RAD54B: variants seen among roughly 807,000 people sequenced by gnomAD.
RAD54B encodes DNA repair and recombination protein RAD54B.
In RAD54B, 78 loss-of-function variants were observed where a neutral mutation model predicts 95.8. The observed-to-expected ratio is 0.81, with a 90% confidence interval of 0.68 to 0.98. RAD54B has a LOEUF of 0.98. Among genes scored for constraint, RAD54B ranks in the 50% least tolerant of loss-of-function variants. RAD54B has a pLI of 0.00. For missense variants in RAD54B, 957 were observed against 1,056.6 expected (o/e 0.91, Z 1.31); for synonymous variants, 328 against 354.9 (o/e 0.92, Z 0.85).
In RAD54B at chr8:94,458,910, CT is replaced by C. The variant is rs1464038655; in HGVS notation, c.136-475del. Among the ~76,000 whole-genome samples the C allele has an allele frequency of 5.3e-5, 8 of 151,810 alleles. No individual in the cohort carries two copies. In the East Asian group the frequency reaches 1.6e-3, roughly 29 times the overall value. The stretch of plus-strand genomic sequence containing the variant: ...ATTAATTAAAATCTAATTTTTATTG[CT>C]TGTTTTTAGAACTATTTTAAATTAT... On this transcript the variant is annotated intron_variant, in intron 2 of 14. Transcript: ENST00000336148.
intron 3 of RAD54B, chr8:94,432,802 A>G: frequency 9.1e-7 from 1 of 1,094,014 alleles, no homozygotes; most frequent in Non-Finnish European, 1.2e-6. Context: ...TAAACACTTG[A>G]AATACATTAA....
intron 11 of RAD54B, among the ~76,000 whole-genome samples, chr8:94,384,880 A>G (rs899106584): frequency 6.6e-6 from 1 of 152,190 alleles, no homozygotes; most frequent in African/African-American, 2.4e-5. Context: ...AGGTACGCAG[A>G]TTGCTTGAAC....
At chr8:94,437,705 AACAGTATAATC>A (rs1812301036) in intron 3 of RAD54B, among the ~76,000 whole-genome samples, 1 of 152,326 alleles carries the variant, frequency 6.6e-6, no homozygotes, top group Non-Finnish European at 1.5e-5. Context: ...CATGGTGAGA[AACAGTATAATC>A]ACGCCTTAAG....
At chr8:94,416,420 GATGAGTTAATGGGTGCAGCACACCAGC>G (rs1373623257) in intron 3 of RAD54B, among the ~76,000 whole-genome samples, 2 of 151,834 alleles carry the variant, frequency 1.3e-5, no homozygotes, top group Non-Finnish European at 2.9e-5. Context: ...AATGCTAAAT[GATGAGTTAATGGGTGCAGCACACCAGC>G]ATGGCACATG....
In RAD54B at chr8:94,431,606, C is replaced by T. The variant is rs576726015; in HGVS notation, c.305-20291G>A. The T allele has an allele frequency of 1.2e-5, 11 of 920,044 alleles. No individual in the cohort carries two copies. In the East Asian group the frequency reaches 1.2e-3, roughly 99 times the overall value. The allele number at this position is 920,044 out of a possible 1,614,324, so 57.0% of individuals were successfully genotyped here. On this transcript the variant is annotated intron_variant, in intron 3 of 14. Transcript: ENST00000336148. Reference sequence around the variant, plus strand: ...AGTTCTCCCTGGACCTGTTTCATTACCCCTAAACTGCAGAGATGGAAAAAA... The same window carrying T: ...AGTTCTCCCTGGACCTGTTTCATTATCCCTAAACTGCAGAGATGGAAAAAA...
chr8:94,392,816 T>G (rs1811055185), intron 9 of RAD54B, among the ~76,000 whole-genome samples: 1 of 144,342 alleles, frequency 6.9e-6, no homozygotes, highest in Non-Finnish European at 1.5e-5. Flanking sequence ...CTATACCCTA[T>G]AGCTAAGTTT....
chr8:94,467,678 C>G, intron 1 of RAD54B, 123 bp from the exon 2 acceptor site: 1 of 955,796 alleles, frequency 1.0e-6, no homozygotes. Context: ...CTGCCTGGCC[C>G]CCCAAGCATA....
chr8:94,421,533 C>A (rs1366407715), intron 3 of RAD54B, among the ~76,000 whole-genome samples: 2 of 152,270 alleles, frequency 1.3e-5, no homozygotes, highest in Non-Finnish European at 2.9e-5. Flanking sequence ...ATCTGCATAT[C>A]CAATTGCCTC....
intron 10 of RAD54B, 65 bp from the exon 11 acceptor site, chr8:94,387,224 C>A: frequency 2.2e-6 from 3 of 1,338,334 alleles, no homozygotes; most frequent in South Asian, 1.6e-5. Context: ...GGGGAAAATG[C>A]TAAAATTATG....
intron 6 of RAD54B, among the ~76,000 whole-genome samples, chr8:94,402,319 T>C (rs955981792): frequency 6.6e-6 from 1 of 151,844 alleles, no homozygotes; most frequent in Non-Finnish European, 1.5e-5. Flanking sequence ...AGTGGCGCTA[T>C]CTTGGCTCAC....
Position 94,432,270 on chromosome 8 carries a change from C to A in RAD54B, c.305-20955G>T, listed in dbSNP as rs1405914858. 1.9e-6 allele frequency: 3 copies of A among 1,550,286 alleles called. No homozygotes were observed. In the Admixed American group the frequency reaches 5.9e-5, roughly 30 times the overall value. ...ATCCCTCTTCTCCTGAACATACAAT[C>A]CAAAATTTTTTTGATTTTCTAAAAT... On this transcript the variant is annotated intron_variant, in intron 3 of 14. Coordinates refer to ENST00000336148, the MANE Select transcript of RAD54B (RefSeq NM_012415.3).
At chr8:94,388,426 T>C (rs1175570002) in intron 10 of RAD54B, among the ~76,000 whole-genome samples, 7 of 152,364 alleles carry the variant, frequency 4.6e-5, no homozygotes, top group Admixed American at 1.3e-4. Context: ...TTAATGCTAC[T>C]GGTAAGGCTT....
intron 3 of RAD54B, chr8:94,430,885 C>A: frequency 1.0e-6 from 1 of 985,396 alleles, no homozygotes; most frequent in Non-Finnish European, 1.2e-6. Context: ...CAAATTGACT[C>A]TCTCTACATT....
At chr8:94,390,481 C>T (rs1810990462) in intron 10 of RAD54B, among the ~76,000 whole-genome samples, 1 of 150,252 alleles carries the variant, frequency 6.7e-6, no homozygotes, top group Non-Finnish European at 1.5e-5. Flanking sequence ...GCCTGGGGGA[C>T]AAGAACAAGA....
At chr8:94,404,047 T>C in intron 6 of RAD54B, 30 bp downstream of exon 6, 1 of 1,511,596 alleles carries the variant, frequency 6.6e-7, no homozygotes, top group Non-Finnish European at 9.0e-7. Context: ...AAAATTCAGA[T>C]TAGATTAAAC....
At chr8:94,467,797 A>G in intron 1 of RAD54B, 1 of 306,786 alleles carries the variant, frequency 3.3e-6, no homozygotes, top group East Asian at 5.6e-5. Flanking sequence ...GCTTAAAATA[A>G]TGGTGAGGGA....
chr8:94,411,336 C>T (rs996737710), intron 3 of RAD54B, 21 bp from the exon 4 acceptor site: 5 of 1,529,910 alleles, frequency 3.3e-6, no homozygotes, highest in African/African-American at 1.4e-5. Context: ...AAAAAAAACA[C>T]ACATTATTAA....
intron 3 of RAD54B, chr8:94,432,132 T>C: frequency 1.3e-6 from 2 of 1,521,196 alleles, no homozygotes; most frequent in South Asian, 1.3e-5. Flanking sequence ...AAAAAAAACT[T>C]AGAGACTGTT....
chr8:94,431,169 A>G lies in RAD54B; in HGVS notation c.305-19854T>C, dbSNP rs1281917830. ...CTTTAAGAATTGAGGTTTTATTTCC[A>G]TGAATACTAAAATAACAATACTTAT... On this transcript the variant is annotated intron_variant, in intron 3 of 14. Transcript: ENST00000336148. 5 of 913,878 alleles carry G rather than the reference A, an allele frequency of 5.5e-6. No individual in the cohort carries two copies. In the African/African-American group the frequency reaches 7.2e-5, roughly 13 times the overall value. 56.6% of individuals were successfully genotyped at this position (913,878 alleles called of 1,614,324 possible).
Sources: allele counts gnomAD v4.1 joint callset (sites outside exome capture counted in the v4.1 genomes callset), GRCh38; gene constraint gnomAD v4.1.1; transcripts MANE v1.5; gene names NCBI Gene and HGNC (gene_info 2026-07-23, HGNC 2026-07-21).